Variants in XRCC4 observed in about 807,000 individuals in gnomAD.
XRCC4 encodes DNA repair protein XRCC4.
XRCC4 carries 28 observed loss-of-function variants against 39.1 expected under a neutral mutation model. The observed-to-expected ratio is 0.72, with a 90% CI of 0.53 to 0.98. The LOEUF is 0.98. Ranked by LOEUF, XRCC4 falls within the 50% of genes least tolerant of loss-of-function variation. The pLI, the probability that XRCC4 is intolerant of heterozygous loss-of-function variation, is 0.00. For missense variants in XRCC4, 350 were observed against 376.4 expected (o/e 0.93, Z 0.58); for synonymous variants, 123 against 126.4 (o/e 0.97, Z 0.18).
At chr5:83,226,788 GT>G (rs1283896227) in intron 6 of XRCC4, among the ~76,000 whole-genome samples, 1 of 152,104 alleles carries the variant, frequency 6.6e-6, no homozygotes, top group Non-Finnish European at 1.5e-5. Context: ...CCTCTCAGAG[GT>G]AACTGATCTG....
chr5:83,107,369 G>A (rs1746245517), intron 2 of XRCC4, among the ~76,000 whole-genome samples: 1 of 150,792 alleles, frequency 6.6e-6, no homozygotes, highest in Admixed American at 6.7e-5. Context: ...ATTTCCTTCC[G>A]ATACCTCATC....
At chr5:83,266,579 C>T (rs1753962542) in intron 7 of XRCC4, among the ~76,000 whole-genome samples, 1 of 151,790 alleles carries the variant, frequency 6.6e-6, no homozygotes, top group Non-Finnish European at 1.5e-5. Flanking sequence ...AAGGACTTTG[C>T]TTGTTTTTGG....
chr5:83,166,461 T>G (rs992786643), intron 3 of XRCC4, among the ~76,000 whole-genome samples: 1 of 43,364 alleles, frequency 2.3e-5, no homozygotes, highest in Non-Finnish European at 4.9e-5. Context: ...TTCCTGTTTG[T>G]TTTTTTTTTT....
At chr5:83,152,283 TC>T (rs751004830) in intron 3 of XRCC4, among the ~76,000 whole-genome samples, 1 of 152,236 alleles carries the variant, frequency 6.6e-6, no homozygotes, top group African/African-American at 2.4e-5. Flanking sequence ...AAGGTTTTCT[TC>T]CTAAATTGAA....
At chr5:83,309,296 A>AT (rs1318501153) in intron 7 of XRCC4, among the ~76,000 whole-genome samples, 16 of 72,220 alleles carry the variant, frequency 2.2e-4, no homozygotes, top group Admixed American at 4.9e-4. Flanking sequence ...AAAAAAAAAA[A>AT]ATATATATAT....
intron 3 of XRCC4, among the ~76,000 whole-genome samples, chr5:83,144,954 G>GT (rs1748380915): frequency 6.6e-6 from 1 of 152,108 alleles, no homozygotes; most frequent in Non-Finnish European, 1.5e-5. Flanking sequence ...GGAGTGCAGT[G>GT]GTGCAATCTT....
intron 1 of XRCC4, among the ~76,000 whole-genome samples, chr5:83,085,934 A>G (rs907019608): frequency 1.2e-4 from 19 of 152,318 alleles, no homozygotes; most frequent in Non-Finnish European, 7.3e-5. Context: ...CAAAGTAGAC[A>G]TTTGAGCTTT....
At chr5:83,128,675 G>A (rs1406072699) in intron 3 of XRCC4, among the ~76,000 whole-genome samples, 3 of 152,274 alleles carry the variant, frequency 2.0e-5, no homozygotes, top group Non-Finnish European at 2.9e-5. Context: ...TCTAACTGGT[G>A]TAAGATGATA....
chr5:83,193,284 A>T (rs918165868), intron 3 of XRCC4, among the ~76,000 whole-genome samples: 1 of 152,152 alleles, frequency 6.6e-6, no homozygotes, highest in African/African-American at 2.4e-5. Flanking sequence ...AAAAAAAAAA[A>T]TTAATCTGAG....
chr5:83,283,559 T>C (rs1263210831), intron 7 of XRCC4, among the ~76,000 whole-genome samples: 1 of 152,244 alleles, frequency 6.6e-6, no homozygotes, highest in Non-Finnish European at 1.5e-5. Context: ...TGTTCTGATA[T>C]ACACAATTGG....
intron 6 of XRCC4, among the ~76,000 whole-genome samples, chr5:83,235,304 C>T (rs1752642942): frequency 7.4e-6 from 1 of 135,530 alleles, no homozygotes; most frequent in African/African-American, 2.9e-5. Context: ...CACTATACTC[C>T]AGCCTGGGTG....
rs200141247 is a variant in XRCC4 at position 83,281,513 on chromosome 5, T to G, written c.893+22836T>G. Among the ~76,000 whole-genome samples the G allele has an allele frequency of 3.7e-3, 561 of 152,202 alleles. 12 individuals carry two copies. In the East Asian group the frequency reaches 0.072, roughly 20 times the overall value. ...CACTGTTTTTTGTTTTGTTTTTTTT[T>G]TTTAATTTTGTACCATCATTAATTT... On this transcript the variant is annotated intron_variant, in intron 7 of 7. Coordinates refer to ENST00000396027, the MANE Select transcript of XRCC4 (RefSeq NM_003401.5).
the XRCC4 span, among the ~76,000 whole-genome samples, chr5:83,364,919 C>G: frequency 6.6e-6 from 1 of 152,006 alleles, no homozygotes; most frequent in Admixed American, 6.6e-5. Context: ...TAAATATTAA[C>G]AAAAAACCCA....
At chr5:83,106,233 T>A (rs540180345) in intron 2 of XRCC4, among the ~76,000 whole-genome samples, 2 of 152,230 alleles carry the variant, frequency 1.3e-5, no homozygotes, top group African/African-American at 4.8e-5. Context: ...ACAATATTTC[T>A]TGTTTTAGGG....
At chr5:83,080,911 A>G (rs1038629611) in intron 1 of XRCC4, among the ~76,000 whole-genome samples, 2 of 152,226 alleles carry the variant, frequency 1.3e-5, no homozygotes, top group African/African-American at 2.4e-5. Context: ...CTATGGTAAG[A>G]ACAAATCTAT....
intron 1 of XRCC4, among the ~76,000 whole-genome samples, chr5:83,098,828 C>CT (rs1349229862): frequency 7.6e-6 from 1 of 131,182 alleles, no homozygotes; most frequent in Non-Finnish European, 1.8e-5. Context: ...ATAGTCAGTG[C>CT]TTTTAAAAAA....
intron 4 of XRCC4, among the ~76,000 whole-genome samples, chr5:83,196,386 T>G (rs1750948576): frequency 6.6e-6 from 1 of 152,118 alleles, no homozygotes; most frequent in Non-Finnish European, 1.5e-5. Context: ...TTCTCTGGAT[T>G]TATTGAAAAT....
At chr5:83,086,779 GT>G (rs199807130) in intron 1 of XRCC4, among the ~76,000 whole-genome samples, 4 of 149,138 alleles carry the variant, frequency 2.7e-5, no homozygotes, top group African/African-American at 4.9e-5. Flanking sequence ...TTTTTATCTA[GT>G]TTTTTTTTTC....
intron 3 of XRCC4, among the ~76,000 whole-genome samples, chr5:83,174,073 G>A (rs1247294550): frequency 2.6e-5 from 4 of 152,240 alleles, no homozygotes; most frequent in Non-Finnish European, 4.4e-5. Flanking sequence ...GGGAGCTACC[G>A]TGCTAAGAAG....
Sources: allele counts gnomAD v4.1 joint callset (sites outside exome capture counted in the v4.1 genomes callset), GRCh38; gene constraint gnomAD v4.1.1; transcripts MANE v1.5; gene names NCBI Gene and HGNC (gene_info 2026-07-23, HGNC 2026-07-21).